Variants in GRID1 observed in about 807,000 individuals in gnomAD.
GRID1 encodes the protein glutamate receptor ionotropic, delta-1.
A neutral mutation model predicts 98.0 loss-of-function variants in GRID1; 28 were observed. The observed-to-expected ratio is 0.29, with a 90% CI of 0.21 to 0.39. The LOEUF (loss-of-function observed/expected upper bound fraction) is 0.39. Ranked by LOEUF, GRID1 falls within the 10% of genes least tolerant of loss-of-function variation. The pLI is 1.00. For missense variants in GRID1, 1,111 were observed against 1,340.5 expected (o/e 0.83, Z 2.67); for synonymous variants, 553 against 538.5 (o/e 1.03, Z -0.37).
At chr10:85,885,991 G>A (rs994025008) in intron 5 of GRID1, among the ~76,000 whole-genome samples, 2 of 152,152 alleles carry the variant, frequency 1.3e-5, no homozygotes, top group Non-Finnish European at 2.9e-5. Context: ...CTCCATGCTA[G>A]GGCAACCCCA....
intron 4 of GRID1, among the ~76,000 whole-genome samples, chr10:86,120,875 C>T (rs897153500): frequency 6.6e-6 from 1 of 152,204 alleles, no homozygotes; most frequent in Admixed American, 6.5e-5. Flanking sequence ...TGCCGGCTGC[C>T]ACCAACCTCC....
At chr10:85,715,947 C>T (rs1460422871) in intron 12 of GRID1, among the ~76,000 whole-genome samples, 7 of 151,804 alleles carry the variant, frequency 4.6e-5, no homozygotes, top group Non-Finnish European at 8.8e-5. Context: ...AACTCTATTG[C>T]CCAGGCTGGA....
intron 2 of GRID1, among the ~76,000 whole-genome samples, chr10:86,356,084 A>G (rs1177209244): frequency 3.3e-5 from 5 of 152,180 alleles, no homozygotes; most frequent in Admixed American, 1.3e-4. Flanking sequence ...TTGTCCAGGC[A>G]CTAGTTTACA....
chr10:86,011,875 C>T (rs976009790), intron 4 of GRID1, among the ~76,000 whole-genome samples: 3 of 152,140 alleles, frequency 2.0e-5, no homozygotes, highest in Admixed American at 1.3e-4. Context: ...TGATGTATGT[C>T]GGCCGGGCAT....
chr10:85,668,755 A>G (rs1841052153), intron 12 of GRID1, among the ~76,000 whole-genome samples: 1 of 152,220 alleles, frequency 6.6e-6, no homozygotes, highest in Non-Finnish European at 1.5e-5. Flanking sequence ...GGAAGAATTT[A>G]TCTCACAGTT....
intron 12 of GRID1, among the ~76,000 whole-genome samples, chr10:85,701,393 G>T (rs57855842): frequency 1.3e-5 from 2 of 151,828 alleles, no homozygotes; most frequent in Non-Finnish European, 2.9e-5. Flanking sequence ...AAAAAAAAAG[G>T]TTACAAAAAG....
At chr10:85,768,345 T>G (rs1842217164) in intron 8 of GRID1, among the ~76,000 whole-genome samples, 1 of 151,822 alleles carries the variant, frequency 6.6e-6, no homozygotes. Context: ...CATTGAAAAA[T>G]TATTTAAAAT....
chr10:86,142,833 C>T (rs543899783), intron 3 of GRID1, among the ~76,000 whole-genome samples: 55 of 152,374 alleles, frequency 3.6e-4, no homozygotes, highest in African/African-American at 1.1e-3. Flanking sequence ...TCAGTCCCTT[C>T]CCTGAGCTCC....
At chr10:86,043,739 G>T (rs1301412191) in intron 4 of GRID1, among the ~76,000 whole-genome samples, 2 of 152,196 alleles carry the variant, frequency 1.3e-5, no homozygotes. Context: ...AACAAATACA[G>T]TTTCTTCTCA....
intron 2 of GRID1, among the ~76,000 whole-genome samples, chr10:86,266,471 A>G (rs1589431707): frequency 6.6e-6 from 1 of 152,166 alleles, no homozygotes; most frequent in South Asian, 2.1e-4. Context: ...CAGGCTCTGC[A>G]CCTGTCCCCA....
At chr10:85,810,156 C>T (rs1389670501) in intron 8 of GRID1, among the ~76,000 whole-genome samples, 2 of 147,374 alleles carry the variant, frequency 1.4e-5, no homozygotes, top group Non-Finnish European at 3.0e-5. Flanking sequence ...AACACCATGA[C>T]CCCAGCTGCT....
In GRID1 at chr10:86,172,782, A is replaced by G. The variant is rs547013798; in HGVS notation, c.520+33582T>C. 1.3e-3 allele frequency among the ~76,000 whole-genome samples: 192 copies of G among 152,308 alleles called. 1 individual carries two copies. Among genetic ancestry groups the G allele is most frequent in the Non-Finnish European group, 2.4e-3 (165 of 68,022 alleles). On this transcript the variant is annotated intron_variant, in intron 3 of 15. Transcript: ENST00000327946. ...CAGAAAAGTTAAGGCCGTAAAACCT[A>G]AAATAAAAAGCACACAAGATTCCTG...
At chr10:85,786,594 C>T (rs964698404) in intron 8 of GRID1, among the ~76,000 whole-genome samples, 6 of 152,206 alleles carry the variant, frequency 3.9e-5, no homozygotes, top group African/African-American at 1.4e-4. Context: ...TCCCTCCCAC[C>T]CTGCTGCCTC....
At chr10:85,823,702 G>A (rs530934482) in intron 8 of GRID1, among the ~76,000 whole-genome samples, 1 of 152,042 alleles carries the variant, frequency 6.6e-6, no homozygotes, top group South Asian at 2.1e-4. Context: ...TAAGACTACT[G>A]AAAACTTTAA....
chr10:85,659,224 T>C (rs576929627), intron 12 of GRID1, among the ~76,000 whole-genome samples: 1 of 152,270 alleles, frequency 6.6e-6, no homozygotes, highest in South Asian at 2.1e-4. Flanking sequence ...CCTGGGTGTG[T>C]TCATGTAAGA....
chr10:85,839,083 G>A (rs562073845), intron 8 of GRID1, among the ~76,000 whole-genome samples: 3 of 152,262 alleles, frequency 2.0e-5, no homozygotes, highest in East Asian at 3.9e-4. Context: ...TCAATTCGGT[G>A]AGAAGATCTA....
chr10:86,056,605 T>G (rs1193537242), intron 4 of GRID1, among the ~76,000 whole-genome samples: 1 of 152,170 alleles, frequency 6.6e-6, no homozygotes, highest in Non-Finnish European at 1.5e-5. Context: ...CACAGACAGA[T>G]GGTAGGACCT....
At chr10:86,059,624 G>C (rs923359125) in intron 4 of GRID1, among the ~76,000 whole-genome samples, 1 of 152,170 alleles carries the variant, frequency 6.6e-6, no homozygotes, top group Non-Finnish European at 1.5e-5. Flanking sequence ...AACCAACAAA[G>C]TACCATTTGG....
chr10:85,961,810 C>T (rs923987795), intron 4 of GRID1, among the ~76,000 whole-genome samples: 6 of 151,758 alleles, frequency 4.0e-5, no homozygotes, highest in African/African-American at 7.3e-5. Context: ...TTCCTTCAGG[C>T]TTCCCTCCCT....
Sources: gnomAD v4.1 joint callset for allele counts (sites outside exome capture counted in the v4.1 genomes callset) on GRCh38, gnomAD v4.1.1 for gene constraint, MANE v1.5 for transcripts, NCBI Gene and HGNC (gene_info 2026-07-23, HGNC 2026-07-21) for gene names.